Variants in COL4A1 observed in about 807,000 individuals in gnomAD.
The protein encoded by COL4A1 is collagen alpha-1(IV) chain.
COL4A1 carries 40 observed loss-of-function variants against 216.6 expected under a neutral mutation model. That is an observed-to-expected ratio of 0.18 (90% CI 0.14 to 0.24). The LOEUF is 0.24. Ranked by LOEUF, COL4A1 falls within the 10% of genes least tolerant of loss-of-function variation. The pLI, the probability that COL4A1 is intolerant of heterozygous loss-of-function variation, is 1.00. For missense variants in COL4A1, 1,628 were observed against 2,196.8 expected (o/e 0.74, Z 5.18); for synonymous variants, 839 against 810.7 (o/e 1.03, Z -0.59).
chr13:110,296,360 C>T (rs1884274884), intron 1 of COL4A1, among the ~76,000 whole-genome samples: 1 of 152,076 alleles, frequency 6.6e-6, no homozygotes, highest in African/African-American at 2.4e-5. Flanking sequence ...CATTATAATC[C>T]CAATATTTTG....
Position 110,149,290 on chromosome 13 carries a change from G to A in COL4A1, c.*1073C>T, listed in dbSNP as rs1366385263. On this transcript the variant is annotated 3_prime_UTR_variant, in exon 52 of 52. Coordinates refer to ENST00000375820, the MANE Select transcript of COL4A1 (RefSeq NM_001845.6). ...GGAAATGGCCCGAATGTGCTTACGTGTGAAAATACTGATACTGTGATTCAA... is the reference window on the plus strand; with the variant it reads ...GGAAATGGCCCGAATGTGCTTACGTATGAAAATACTGATACTGTGATTCAA... 1 of 154,766 alleles carries A rather than the reference G, an allele frequency of 6.5e-6. No homozygotes were observed. The highest frequency in any genetic ancestry group is 2.4e-5 in the African/African-American group (1 of 41,500). The allele number at this position is 154,766 out of a possible 1,614,324, so 9.6% of individuals were successfully genotyped here.
intron 26 of COL4A1, 103 bp from the exon 27 acceptor site, chr13:110,183,379 C>T: frequency 9.5e-7 from 1 of 1,056,156 alleles, no homozygotes; most frequent in Non-Finnish European, 1.4e-6. Context: ...TCCTACCCAG[C>T]ACCACGAGTG....
intron 1 of COL4A1, among the ~76,000 whole-genome samples, chr13:110,248,158 G>T (rs1478283769): frequency 1.3e-5 from 2 of 152,076 alleles, no homozygotes; most frequent in Non-Finnish European, 2.9e-5. Flanking sequence ...TGCCGTCGAG[G>T]GCTCTTCCTG....
intron 2 of COL4A1, among the ~76,000 whole-genome samples, chr13:110,233,027 G>C (rs1881136905): frequency 6.6e-6 from 1 of 152,188 alleles, no homozygotes; most frequent in Non-Finnish European, 1.5e-5. Context: ...TGACGTCCAA[G>C]GCATAGGGGA....
chr13:110,161,368 G>A lies in COL4A1; in HGVS notation c.4464C>T (p.Gly1488=), dbSNP rs748238789. Residue 1488 remains glycine (G), a splice_region_variant and synonymous_variant, in exon 49 of 52, where the codon GGC becomes GGT. Coordinates refer to ENST00000375820, the MANE Select transcript of COL4A1 (RefSeq NM_001845.6). Reference sequence around the variant, plus strand: ...ACTTGCGCAGGCAGCTGCCGGCCGTGCCTAGACAAGGAAGAAGACAATGTG... The same window carrying A: ...ACTTGCGCAGGCAGCTGCCGGCCGTACCTAGACAAGGAAGAAGACAATGTG... ...GNERAHGQDL[G]TAGSCLRKFS... is the part of the protein sequence containing the mutation. 1 of 1,609,102 alleles carries A rather than the reference G, an allele frequency of 6.2e-7. No homozygotes were observed. Among genetic ancestry groups the A allele is most frequent in the South Asian group, 1.1e-5 (1 of 90,474 alleles).
chr13:110,213,208 A>G (rs796289983), intron 4 of COL4A1, among the ~76,000 whole-genome samples: 10 of 152,204 alleles, frequency 6.6e-5, no homozygotes, highest in African/African-American at 2.2e-4. Context: ...AATCTCAGAA[A>G]TCACCACGAA....
chr13:110,260,144 A>G (rs1882756054), intron 1 of COL4A1, among the ~76,000 whole-genome samples: 1 of 152,012 alleles, frequency 6.6e-6, no homozygotes, highest in African/African-American at 2.4e-5. Context: ...TAATTTATAA[A>G]GAAAAAAGGT....
At chr13:110,215,580 C>A (rs1981318) in intron 2 of COL4A1, among the ~76,000 whole-genome samples, 16,377 of 140,814 alleles carry the variant, frequency 0.12, 1,212 homozygotes, top group East Asian at 0.22. Context: ...AAAAAAACAA[C>A]AACCCATAAC....
At chr13:110,199,290 T>C (rs1879053064) in intron 20 of COL4A1, among the ~76,000 whole-genome samples, 1 of 152,058 alleles carries the variant, frequency 6.6e-6, no homozygotes. Flanking sequence ...CATCAGGCTA[T>C]GATGAGGAGA....
At chr13:110,252,445 GTATATGTATTATATA>G (rs1566415441) in intron 1 of COL4A1, among the ~76,000 whole-genome samples, 17 of 114,042 alleles carry the variant, frequency 1.5e-4, no homozygotes, top group African/African-American at 5.6e-4. Flanking sequence ...ATAATTATAC[GTATATGTATTATATA>G]CATATAATTA....
chr13:110,242,776 C>G lies in COL4A1; in HGVS notation c.85-42G>C, dbSNP rs201446479. 287 of 1,601,070 alleles carry G rather than the reference C, an allele frequency of 1.8e-4. 1 individual carries two copies. In the African/African-American group the frequency reaches 3.2e-3, roughly 18 times the overall value. ...ACTTCTTTAAATAGAAGAACACTTT[C>G]AAAGCGAGGGCACTATGCAAATGGA... On this transcript the variant is annotated intron_variant, in intron 1 of 51. Coordinates refer to ENST00000375820, the MANE Select transcript of COL4A1 (RefSeq NM_001845.6).
In COL4A1 at chr13:110,307,065, C is replaced by G; in HGVS notation, c.-38G>C. The G allele has an allele frequency of 7.1e-7, 1 of 1,411,102 alleles. No homozygotes were observed. Among genetic ancestry groups the G allele is most frequent in the South Asian group, 1.4e-5 (1 of 69,232 alleles). The allele number at this position is 1,411,102 out of a possible 1,614,324, so 87.4% of individuals were successfully genotyped here. ...GAGGCGGCGAGGGACGGCTGCCCGG[C>G]GTGCGGGGGCCGCGGCGGACAGCTA... On this transcript the variant is annotated 5_prime_UTR_variant, in exon 1 of 52. Coordinates refer to ENST00000375820, the MANE Select transcript of COL4A1 (RefSeq NM_001845.6). This position sits in a 1 kb window ranked among gnomAD's most constrained non-coding sequence, Gnocchi z 5.0.
At chr13:110,196,449 G>C (rs1284162633) in intron 21 of COL4A1, among the ~76,000 whole-genome samples, 1 of 152,132 alleles carries the variant, frequency 6.6e-6, no homozygotes, top group Non-Finnish European at 1.5e-5. Context: ...TGTGAGCCTA[G>C]GGTATACTAA....
chr13:110,169,940 G>GAA (rs1450492741), intron 42 of COL4A1, among the ~76,000 whole-genome samples, 178 bp from the exon 43 acceptor site: 1 of 150,722 alleles, frequency 6.6e-6, no homozygotes, highest in Non-Finnish European at 1.5e-5. Flanking sequence ...AGGGAGGGAG[G>GAA]GAGGGAATAG....
chr13:110,224,326 A>T (rs892648699), intron 2 of COL4A1, among the ~76,000 whole-genome samples: 1 of 152,164 alleles, frequency 6.6e-6, no homozygotes, highest in Admixed American at 6.6e-5. Flanking sequence ...ATAAGAAAAA[A>T]ATATATATGT....
At chr13:110,195,902 T>C (rs1878865214) in intron 21 of COL4A1, among the ~76,000 whole-genome samples, 1 of 152,154 alleles carries the variant, frequency 6.6e-6, no homozygotes, top group Non-Finnish European at 1.5e-5. Flanking sequence ...CTTCACCTAA[T>C]GACAAAGTCA....
At chr13:110,290,987 A>G (rs192549689) in intron 1 of COL4A1, among the ~76,000 whole-genome samples, 1 of 152,300 alleles carries the variant, frequency 6.6e-6, no homozygotes, top group Non-Finnish European at 1.5e-5. Context: ...GCCTCTTTGC[A>G]CTTGGACCAG....
intron 1 of COL4A1, among the ~76,000 whole-genome samples, chr13:110,277,647 G>A (rs1883479914): frequency 6.6e-6 from 1 of 152,128 alleles, no homozygotes; most frequent in Non-Finnish European, 1.5e-5. Flanking sequence ...TAACACAATT[G>A]CACTCATAAC....
rs1266161557 is a variant in COL4A1, at chr13:110,162,316, T to G, written c.4376A>C (p.Gln1459Pro). 6.2e-7 allele frequency: 1 copy of G among 1,614,224 alleles called. No homozygotes were observed. The highest frequency in any genetic ancestry group is 2.2e-5 in the East Asian group (1 of 44,890). Reference sequence around the variant, plus strand: ...AAGAATTTTGGTCCCAGAAGGACACTGTGGGTCATCTATTGTTTGACTATG... The same window carrying G: ...AAGAATTTTGGTCCCAGAAGGACACGGTGGGTCATCTATTGTTTGACTATG... ...TRHSQTIDDPQCPSGTKILYH... is the reference protein window; with the variant it reads ...TRHSQTIDDPPCPSGTKILYH... Residue 1459 changes from glutamine to proline, a missense_variant, in exon 48 of 52, where the codon CAG (glutamine) becomes CCG (proline). By Grantham distance (76) the Gln-to-Pro change is moderately conservative. This residue lies in a region of COL4A1 where 254 missense variants were observed against 300.1 expected (regional missense o/e 0.85). Transcript: ENST00000375820.
Sources: allele counts gnomAD v4.1 joint callset (sites outside exome capture counted in the v4.1 genomes callset), GRCh38; gene constraint gnomAD v4.1.1; regional missense constraint gnomAD v4.1.1; non-coding constraint Gnocchi (gnomAD v3.1); transcripts MANE v1.5; gene names NCBI Gene and HGNC (gene_info 2026-07-23, HGNC 2026-07-21).